The following SLC5A12 variants were observed in gnomAD, a reference collection of about 807,000 sequenced individuals.
SLC5A12 encodes sodium-coupled monocarboxylate transporter 2.
A neutral mutation model predicts 72.7 loss-of-function variants in SLC5A12; 46 were observed. The ratio of observed to expected loss-of-function variants is 0.63; its 90% CI spans 0.50 to 0.81. The LOEUF is 0.81. SLC5A12 is among the 30% of genes least tolerant of loss of function. The probability of loss-of-function intolerance (pLI) is 0.00; values close to 1 mark genes in which losing one functional copy is unlikely to be tolerated. For synonymous variants in SLC5A12, 275 were observed against 264.4 expected (o/e 1.04, Z -0.39); for missense variants, 683 against 740.7 (o/e 0.92, Z 0.90).
chr11:26,686,345 A>G, intron 10 of SLC5A12, 132 bp downstream of exon 10: 1 of 694,552 alleles, frequency 1.4e-6, no homozygotes, highest in Non-Finnish European at 2.4e-6. Context: ...CATGCATTTT[A>G]CATTTATTTT....
intron 6 of SLC5A12, among the ~76,000 whole-genome samples, chr11:26,701,327 A>T (rs1362144896): frequency 6.6e-6 from 1 of 152,212 alleles, no homozygotes; most frequent in Non-Finnish European, 1.5e-5. Flanking sequence ...TCACAAAATT[A>T]CTATCACAGT....
Position 26,712,685 on chromosome 11 carries a change from T to G in SLC5A12, c.361A>C (p.Lys121Gln), listed in dbSNP as rs775875859. The change falls in exon 2 of 15, where the codon AAA (lysine) becomes CAA (glutamine). Residue 121 changes from lysine (K) to glutamine (Q), a missense_variant. Transcript: ENST00000396005. ...TYEYLQLRFN[K>Q]PVRYAATVIY... ...ACCGTGGCAGCATAGCGAACTGGTT[T>G]GTTGAATCGTAGTTGTAAGTACTAA... 1.9e-6 allele frequency: 3 copies of G among 1,590,116 alleles called. No homozygotes were observed. In the East Asian group the frequency reaches 6.7e-5, roughly 36 times the overall value.
intron 10 of SLC5A12, among the ~76,000 whole-genome samples, chr11:26,685,462 C>T (rs1195282357): frequency 6.6e-6 from 1 of 151,672 alleles, no homozygotes; most frequent in Non-Finnish European, 1.5e-5. Flanking sequence ...TCTACTAAAA[C>T]TACAAAAATT....
At position 26,683,781 on chromosome 11, in the gene SLC5A12, G is replaced by A. The variant is rs757531342; in HGVS notation, c.1284C>T (p.Ile428=). ...CCTTCCAATTCACAAAAGGGAACAC[G>A]ATTCCCAGGGAGAATAAGCCCAGCA... The part of the protein sequence containing the change: ...GPMLGLFSLG[I]VFPFVNWKGA... Residue 428 remains isoleucine (I), a synonymous_variant, in exon 11 of 15, where the codon ATC becomes ATT. Transcript: ENST00000396005. 65 of 1,594,458 alleles carry A rather than the reference G, an allele frequency of 4.1e-5. No individual in the cohort carries two copies. Among genetic ancestry groups the A allele is most frequent in the Middle Eastern group, 1.9e-4 (1 of 5,350 alleles).
At chr11:26,719,817 C>T (rs1340667941) in intron 1 of SLC5A12, among the ~76,000 whole-genome samples, 1 of 152,176 alleles carries the variant, frequency 6.6e-6, no homozygotes, top group Non-Finnish European at 1.5e-5. Context: ...ATTTACTTTA[C>T]TTTTTCTCCA....
At chr11:26,716,948 T>G (rs1358428604) in intron 1 of SLC5A12, among the ~76,000 whole-genome samples, 1 of 152,128 alleles carries the variant, frequency 6.6e-6, no homozygotes, top group African/African-American at 2.4e-5. Flanking sequence ...TAATGACCCA[T>G]CATTTCTAGA....
chr11:26,714,014 T>C (rs1406741637), intron 1 of SLC5A12, among the ~76,000 whole-genome samples: 2 of 152,100 alleles, frequency 1.3e-5, no homozygotes, highest in Admixed American at 6.6e-5. Flanking sequence ...ATGTGATTGA[T>C]TGCATTTATA....
chr11:26,718,075 A>T (rs1855393158), intron 1 of SLC5A12, among the ~76,000 whole-genome samples: 2 of 152,198 alleles, frequency 1.3e-5, no homozygotes, highest in Non-Finnish European at 2.9e-5. Context: ...CACCTCTTTC[A>T]GTCTTTAGTA....
At chr11:26,690,086 T>C (rs1302372516) in intron 9 of SLC5A12, among the ~76,000 whole-genome samples, 1 of 152,190 alleles carries the variant, frequency 6.6e-6, no homozygotes, top group African/African-American at 2.4e-5. Context: ...GTAGATGCTA[T>C]TGCTAGGTGG....
At chr11:26,704,313 G>T (rs1477379647) in intron 4 of SLC5A12, among the ~76,000 whole-genome samples, 3 of 152,168 alleles carry the variant, frequency 2.0e-5, no homozygotes, top group Non-Finnish European at 4.4e-5. Context: ...TCTGAAGAAT[G>T]AGTAGGAATT....
chr11:26,692,539 C>T lies in SLC5A12; in HGVS notation c.1103G>A (p.Cys368Tyr). Reference sequence around the variant, plus strand: ...CAGCTTGTCGGAGAGATGAGGAAAACAGCTCTTGACAAAATCCTCAAAGGT... The same window carrying T: ...CAGCTTGTCGGAGAGATGAGGAAAATAGCTCTTGACAAAATCCTCAAAGGT... ...TVTFEDFVKS[C>Y]FPHLSDKLST... Residue 368 changes from cysteine (C) to tyrosine (Y), a missense_variant, in exon 9 of 15, where the codon TGT becomes TAT. Cys to Tyr is a radical substitution (Grantham distance 194). Transcript: ENST00000396005. The T allele has an allele frequency of 6.2e-7, 1 of 1,614,070 alleles. No homozygotes were observed.
At chr11:26,689,075 G>GT (rs1854602963) in intron 9 of SLC5A12, among the ~76,000 whole-genome samples, 1 of 143,286 alleles carries the variant, frequency 7.0e-6, no homozygotes, top group African/African-American at 2.6e-5. Flanking sequence ...ACTTTATGCC[G>GT]TAAGAAGGAC....
intron 8 of SLC5A12, among the ~76,000 whole-genome samples, chr11:26,696,294 A>G (rs1854811104): frequency 6.6e-6 from 1 of 152,192 alleles, no homozygotes; most frequent in African/African-American, 2.4e-5. Context: ...AGCCTTCTAA[A>G]ATATTTGTCA....
intron 3 of SLC5A12, among the ~76,000 whole-genome samples, chr11:26,710,669 A>G (rs1480174499): frequency 6.6e-6 from 1 of 152,058 alleles, no homozygotes; most frequent in Non-Finnish European, 1.5e-5. Context: ...ATAAAATCAG[A>G]TTACAAGTCC....
At chr11:26,693,154 G>A (rs1249173383) in intron 8 of SLC5A12, among the ~76,000 whole-genome samples, 1 of 152,164 alleles carries the variant, frequency 6.6e-6, no homozygotes, top group Admixed American at 6.5e-5. Flanking sequence ...AAGGAAAATA[G>A]CAAGACGCTG....
At chr11:26,694,348 AACCATTCTTTCATGGGGGAT>A (rs1854756558) in intron 8 of SLC5A12, among the ~76,000 whole-genome samples, 1 of 152,156 alleles carries the variant, frequency 6.6e-6, no homozygotes, top group African/African-American at 2.4e-5. Flanking sequence ...TAAAGGAATC[AACCATTCTTTCATGGGGGAT>A]ATAATCTGTT....
At chr11:26,682,132 T>C (rs1854423020) in intron 11 of SLC5A12, among the ~76,000 whole-genome samples, 1 of 151,820 alleles carries the variant, frequency 6.6e-6, no homozygotes. Flanking sequence ...TGTAAGCAAC[T>C]ATAGACAATA....
intron 13 of SLC5A12, 137 bp from the exon 14 acceptor site, chr11:26,673,666 G>A (rs1322217771): frequency 2.6e-6 from 3 of 1,172,220 alleles, no homozygotes; most frequent in Admixed American, 5.7e-5. Flanking sequence ...TTAATAAACA[G>A]AAATTGGTTA....
intron 13 of SLC5A12, among the ~76,000 whole-genome samples, chr11:26,678,252 C>G (rs1028755436): frequency 2.0e-5 from 3 of 152,148 alleles, no homozygotes; most frequent in Non-Finnish European, 4.4e-5. Flanking sequence ...GAATATTTAA[C>G]CTTATTTACT....
Sources: allele counts gnomAD v4.1 joint callset (sites outside exome capture counted in the v4.1 genomes callset), GRCh38; gene constraint gnomAD v4.1.1; transcripts MANE v1.5; gene names NCBI Gene and HGNC (gene_info 2026-07-23, HGNC 2026-07-21).